TMTC2: variants seen among roughly 807,000 people sequenced by gnomAD.
TMTC2 encodes protein O-mannosyl-transferase TMTC2.
In TMTC2, 43 loss-of-function variants were observed where a neutral mutation model predicts 82.4. That is an observed-to-expected ratio of 0.52 (90% CI 0.41 to 0.67). TMTC2 has a LOEUF of 0.67. Among genes scored for constraint, TMTC2 ranks in the 30% least tolerant of loss-of-function variants. The pLI is 0.00. For synonymous variants in TMTC2, 408 were observed against 381.9 expected, an observed-to-expected ratio of 1.07 and a Z score of -0.80; for missense variants, 919 against 1,012.4, an observed-to-expected ratio of 0.91 and a Z score of 1.25.
intron 2 of TMTC2, among the ~76,000 whole-genome samples, chr12:82,864,352 C>T (rs1309725145): frequency 4.6e-5 from 7 of 151,502 alleles, no homozygotes; most frequent in South Asian, 2.1e-4. Flanking sequence ...TGTAGCCACT[C>T]GGGAGTCGGG....
At chr12:82,960,812 A>G (rs953963058) in intron 4 of TMTC2, among the ~76,000 whole-genome samples, 1 of 72,188 alleles carries the variant, frequency 1.4e-5, no homozygotes, top group African/African-American at 5.4e-5. Flanking sequence ...ATATATAGGT[A>G]TCAGGTTTTT....
In TMTC2 at chr12:82,803,665, C is replaced by T. The variant is rs535783351; in HGVS notation, c.84-53345C>T. Among the ~76,000 whole-genome samples, 3 of 152,194 alleles carry T rather than the reference C, an allele frequency of 2.0e-5. No individual in the cohort carries two copies. The East Asian group carries it at 5.8e-4, about 29-fold the overall frequency. ...CTTCGGTTGAGCATGCATACACCTC[C>T]AGTAAACACACTGTGCATGCTCACC... On this transcript the variant is annotated intron_variant, in intron 1 of 11. Coordinates refer to ENST00000321196, the MANE Select transcript of TMTC2 (RefSeq NM_152588.3).
At chr12:82,746,173 T>C (rs1370031380) in intron 1 of TMTC2, among the ~76,000 whole-genome samples, 1 of 152,240 alleles carries the variant, frequency 6.6e-6, no homozygotes, top group African/African-American at 2.4e-5. Flanking sequence ...ACTAGAATAC[T>C]AAGAACTGCA....
intron 8 of TMTC2, among the ~76,000 whole-genome samples, chr12:82,989,241 A>G (rs1320575301): frequency 6.6e-6 from 1 of 152,118 alleles, no homozygotes; most frequent in Non-Finnish European, 1.5e-5. Context: ...AGAATGTAAA[A>G]GAGGGAATTA....
chr12:82,968,386 G>A (rs1049318267), intron 7 of TMTC2, among the ~76,000 whole-genome samples: 4 of 152,162 alleles, frequency 2.6e-5, no homozygotes, highest in East Asian at 3.9e-4. Flanking sequence ...TAAAGCATGC[G>A]CTTAGGATAT....
At chr12:82,693,696 G>A (rs1006840008) in intron 1 of TMTC2, among the ~76,000 whole-genome samples, 4 of 151,864 alleles carry the variant, frequency 2.6e-5, no homozygotes, top group Admixed American at 6.6e-5. Flanking sequence ...GTGGCCGGGC[G>A]CGGTGGCTCA....
At chr12:82,777,002 A>G (rs1877634128) in intron 1 of TMTC2, among the ~76,000 whole-genome samples, 1 of 152,084 alleles carries the variant, frequency 6.6e-6, no homozygotes, top group Admixed American at 6.5e-5. Flanking sequence ...CAGCCAACAC[A>G]CTTTGATCTA....
chr12:82,798,450 T>C (rs1340191007), intron 1 of TMTC2, among the ~76,000 whole-genome samples: 1 of 135,512 alleles, frequency 7.4e-6, no homozygotes, highest in Non-Finnish European at 1.5e-5. Context: ...TTAGCAGAGA[T>C]GGTGCCACTG....
chr12:83,040,679 C>CTT (rs750327519), intron 9 of TMTC2, among the ~76,000 whole-genome samples: 671 of 124,186 alleles, frequency 5.4e-3, no homozygotes, highest in East Asian at 0.011. Flanking sequence ...CTGTCCTTTT[C>CTT]TTTTTTTTTT....
intron 3 of TMTC2, among the ~76,000 whole-genome samples, chr12:82,920,029 G>A (rs1300587271): frequency 6.6e-6 from 1 of 151,986 alleles, no homozygotes; most frequent in African/African-American, 2.4e-5. Flanking sequence ...CATATTTTCA[G>A]GTGTTGTTAT....
At chr12:83,130,518 A>G (rs748638445) in intron 11 of TMTC2, among the ~76,000 whole-genome samples, 6 of 152,216 alleles carry the variant, frequency 3.9e-5, no homozygotes, top group Non-Finnish European at 8.8e-5. Context: ...TTATATTTGC[A>G]GCATTATTTT....
chr12:82,759,243 T>A (rs940189842), intron 1 of TMTC2: 41 of 152,224 alleles, frequency 2.7e-4, no homozygotes, highest in African/African-American at 9.9e-4. Flanking sequence ...AGTGCTCTAG[T>A]GTGTATTAAA....
intron 9 of TMTC2, among the ~76,000 whole-genome samples, chr12:83,040,932 C>T (rs1405522991): frequency 2.6e-5 from 4 of 152,118 alleles, no homozygotes; most frequent in Non-Finnish European, 1.5e-5. Context: ...GATCTGCCTG[C>T]CTCAGCCTCC....
chr12:82,779,944 A>G (rs922596167), intron 1 of TMTC2, among the ~76,000 whole-genome samples: 1 of 150,618 alleles, frequency 6.6e-6, no homozygotes, highest in Non-Finnish European at 1.5e-5. Flanking sequence ...TGCCAGAGTT[A>G]CGGCATTAAG....
At chr12:82,949,775 C>T (rs1052424240) in intron 4 of TMTC2, among the ~76,000 whole-genome samples, 1 of 152,050 alleles carries the variant, frequency 6.6e-6, no homozygotes, top group Admixed American at 6.6e-5. Context: ...TCTTAGTGTT[C>T]CCTGGCTATG....
Position 83,117,491 on chromosome 12 carries a change from G to T in TMTC2, c.2332-14719G>T, listed in dbSNP as rs552461230. Among the ~76,000 whole-genome samples, 97 of 151,802 alleles carry T rather than the reference G, an allele frequency of 6.4e-4. 1 individual carries two copies. The highest frequency in any genetic ancestry group is 7.7e-4 in the Non-Finnish European group (52 of 67,690). ...ATATGCAAGTCAATAACTTTATTGA[G>T]TTATTCTGTTTCATTGATCTATGTG... On this transcript the variant is annotated intron_variant, in intron 11 of 11. Coordinates refer to ENST00000321196, the MANE Select transcript of TMTC2 (RefSeq NM_152588.3).
At chr12:82,918,782 G>C (rs892996813) in intron 3 of TMTC2, among the ~76,000 whole-genome samples, 1 of 150,260 alleles carries the variant, frequency 6.7e-6, no homozygotes, top group African/African-American at 2.5e-5. Context: ...CTTTGAGACA[G>C]AGTCTTGCTC....
chr12:82,799,540 TC>T (rs777051411), intron 1 of TMTC2, among the ~76,000 whole-genome samples: 24 of 152,224 alleles, frequency 1.6e-4, no homozygotes, highest in Non-Finnish European at 3.2e-4. Context: ...TTCTTCAAGT[TC>T]TGGAGGCTAG....
intron 8 of TMTC2, among the ~76,000 whole-genome samples, chr12:82,998,309 G>A (rs147828073): frequency 2.4e-4 from 37 of 152,248 alleles, no homozygotes; most frequent in African/African-American, 7.0e-4. Flanking sequence ...GAAAGAGAAA[G>A]ATTTCTTATT....
Sources: gnomAD v4.1 joint callset for allele counts (sites outside exome capture counted in the v4.1 genomes callset) on GRCh38, gnomAD v4.1.1 for gene constraint, MANE v1.5 for transcripts, NCBI Gene and HGNC (gene_info 2026-07-23, HGNC 2026-07-21) for gene names.